The following CELF2 variants were observed in gnomAD, a reference collection of about 807,000 sequenced individuals.
CELF2 encodes CUGBP Elav-like family member 2, also known as CUG triplet repeat RNA-binding protein 2.
In CELF2, 8 loss-of-function variants were observed where a neutral mutation model predicts 62.6. That is an observed-to-expected ratio of 0.13 (90% CI 0.07 to 0.23). The LOEUF (loss-of-function observed/expected upper bound fraction) is 0.23. Among genes scored for constraint, CELF2 ranks in the 10% least tolerant of loss-of-function variants. The pLI, the probability that CELF2 is intolerant of heterozygous loss-of-function variation, is 1.00. For synonymous variants in CELF2, 258 were observed against 250.0 expected (o/e 1.03, Z -0.30); for missense variants, 333 against 671.0 (o/e 0.50, Z 5.56).
At chr10:10,537,888 G>A in the CELF2 span, among the ~76,000 whole-genome samples, 1 of 152,200 alleles carries the variant, frequency 6.6e-6, no homozygotes, top group Non-Finnish European at 1.5e-5. Context: ...AGTAGGCTTG[G>A]AGCCATTTGG....
At chr10:10,493,585 G>A in the CELF2 span, among the ~76,000 whole-genome samples, 1 of 150,794 alleles carries the variant, frequency 6.6e-6, no homozygotes, top group Non-Finnish European at 1.5e-5. Flanking sequence ...AGGCTGGAGT[G>A]CAGTGGCATG....
chr10:11,186,313 T>C (rs998187893), intron 2 of CELF2, among the ~76,000 whole-genome samples: 4 of 144,864 alleles, frequency 2.8e-5, no homozygotes, highest in Admixed American at 6.9e-5. Context: ...TTTTTTTTTT[T>C]CTATTTCTTT....
At chr10:11,053,492 C>G (rs1002289964) in intron 1 of CELF2, among the ~76,000 whole-genome samples, 9 of 151,610 alleles carry the variant, frequency 5.9e-5, no homozygotes, top group Non-Finnish European at 8.8e-5. Flanking sequence ...CTCTTTAACT[C>G]TTCCATTTTT....
At chr10:10,761,905 CGTGTGT>C in the CELF2 span, among the ~76,000 whole-genome samples, 6,474 of 128,872 alleles carry the variant, frequency 0.05, 189 homozygotes, top group South Asian at 0.084. Flanking sequence ...TATAATAAAC[CGTGTGT>C]GTGTGTGTGT....
In CELF2 at chr10:11,237,203, G is replaced by GGA. The variant is rs892924879; in HGVS notation, c.355-11936_355-11935dup. Among the ~76,000 whole-genome samples, 14 of 151,626 alleles carry GGA rather than the reference G, an allele frequency of 9.2e-5. No individual in the cohort carries two copies. Among genetic ancestry groups the GGA allele is most frequent in the South Asian group, 4.2e-4 (2 of 4,794 alleles). ...AGTCTATGAGAAGGAAAAGAAATTAGGAGAGAGAGAGAGAGCTAAACTGAG... is the reference window on the plus strand; with the variant it reads ...AGTCTATGAGAAGGAAAAGAAATTAGGAGAGAGAGAGAGAGAGCTAAACTGAG... On this transcript the variant is annotated intron_variant, in intron 3 of 12. Coordinates refer to ENST00000633077, the MANE Select transcript of CELF2 (RefSeq NM_001326342.2). This position sits in a 1 kb window ranked among gnomAD's most constrained non-coding sequence, Gnocchi z 4.0.
chr10:10,623,190 C>T, the CELF2 span, among the ~76,000 whole-genome samples: 1 of 145,776 alleles, frequency 6.9e-6, no homozygotes, highest in Admixed American at 7.0e-5. Flanking sequence ...AATGGCAGTA[C>T]AGCTGCCTCT....
Position 10,990,104 on chromosome 10 carries a change from A to T in CELF2, c.89+70105A>T, listed in dbSNP as rs1450031683. Among the ~76,000 whole-genome samples the T allele has an allele frequency of 6.6e-6, 1 of 152,174 alleles. No homozygotes were observed. On this transcript the variant is annotated intron_variant, in intron 2 of 13. Coordinates refer to the CELF2 transcript ENST00000636488. This position sits in a 1 kb window ranked among gnomAD's most constrained non-coding sequence, Gnocchi z 4.6. ...ATCAGAATTACCCACATACATTCAC[A>T]AGAATTTTCATCTCAATGCTATATA...
the CELF2 span, among the ~76,000 whole-genome samples, chr10:10,484,734 T>G: frequency 6.6e-6 from 1 of 152,080 alleles, no homozygotes; most frequent in Non-Finnish European, 1.5e-5. Context: ...AATGTTAATG[T>G]GGCTTTCAAT....
At chr10:11,111,288 A>G (rs1413073003) in intron 1 of CELF2, among the ~76,000 whole-genome samples, 3 of 152,126 alleles carry the variant, frequency 2.0e-5, no homozygotes, top group Admixed American at 1.3e-4. Flanking sequence ...CTGTTGAACA[A>G]CTTCCCTGTT....
intron 1 of CELF2, among the ~76,000 whole-genome samples, chr10:11,043,642 T>A (rs929739893): frequency 1.3e-5 from 2 of 152,112 alleles, no homozygotes; most frequent in Non-Finnish European, 2.9e-5. Context: ...CGGGCAGACC[T>A]CCAGAGGCTT....
rs1364858064 is a variant in CELF2 at position 10,998,640 on chromosome 10, G to A, written c.89+78641G>A. Among the ~76,000 whole-genome samples the A allele has an allele frequency of 3.3e-5, 5 of 152,188 alleles. No individual in the cohort carries two copies. In the South Asian group the frequency reaches 1.0e-3, roughly 32 times the overall value. On this transcript the variant is annotated intron_variant, in intron 2 of 13. Transcript: ENST00000636488. ...TCTCTGGGGGATCTCAGTGAGGTGG[G>A]AGGTCAGCAGAGCGCAGGCTGACCC...
the CELF2 span, among the ~76,000 whole-genome samples, chr10:10,723,851 G>T: frequency 6.6e-6 from 1 of 152,106 alleles, no homozygotes; most frequent in Admixed American, 6.5e-5. Context: ...AACATTCTTC[G>T]CCTCTTGGAG....
intron 1 of CELF2, among the ~76,000 whole-genome samples, chr10:10,885,582 A>G (rs1201724064): frequency 1.3e-5 from 2 of 152,128 alleles, no homozygotes; most frequent in Admixed American, 6.5e-5. Flanking sequence ...AAATGTCTCC[A>G]TAAGCCCCTG....
chr10:10,671,274 G>A, the CELF2 span, among the ~76,000 whole-genome samples: 1 of 147,898 alleles, frequency 6.8e-6, no homozygotes, highest in South Asian at 2.2e-4. Context: ...CAGCTTATTT[G>A]CTCATTTTAG....
At chr10:10,875,480 A>G (rs1484865972) in intron 1 of CELF2, among the ~76,000 whole-genome samples, 1 of 152,220 alleles carries the variant, frequency 6.6e-6, no homozygotes, top group Non-Finnish European at 1.5e-5. Context: ...AAATTGATAC[A>G]CAATCTTTGG....
intron 1 of CELF2, among the ~76,000 whole-genome samples, chr10:11,121,834 G>A (rs7894704): frequency 0.13 from 19,043 of 152,014 alleles, 1,189 homozygotes; most frequent in African/African-American, 0.14. Context: ...CTGAATACAC[G>A]GAGCCCAGCA....
the CELF2 span, among the ~76,000 whole-genome samples, chr10:10,575,164 A>G: frequency 0.11 from 16,182 of 152,168 alleles, 1,041 homozygotes; most frequent in Non-Finnish European, 0.15. Context: ...CATTCTATAC[A>G]TATGGTGTTT....
At chr10:11,265,571 AGTCTT>A (rs1166581062) in intron 5 of CELF2, among the ~76,000 whole-genome samples, 2 of 152,264 alleles carry the variant, frequency 1.3e-5, no homozygotes, top group Non-Finnish European at 1.5e-5. Context: ...TTAATTTCAC[AGTCTT>A]TTTCTCTAAG....
intron 1 of CELF2, among the ~76,000 whole-genome samples, chr10:10,838,511 T>G (rs1252613235): frequency 6.6e-6 from 1 of 152,244 alleles, no homozygotes; most frequent in Admixed American, 6.5e-5. Flanking sequence ...GGAATTCTTC[T>G]GCATGGAAGT....
Sources: allele counts gnomAD v4.1 joint callset (sites outside exome capture counted in the v4.1 genomes callset), GRCh38; gene constraint gnomAD v4.1.1; non-coding constraint Gnocchi (gnomAD v3.1); transcripts MANE v1.5; gene names NCBI Gene and HGNC (gene_info 2026-07-23, HGNC 2026-07-21).